The following KCNK10 variants were observed in gnomAD, a reference collection of about 807,000 sequenced individuals.
KCNK10 encodes potassium channel subfamily K member 10.
Under a neutral mutation model 47.7 loss-of-function variants are expected in KCNK10, and 25 were observed. That is an observed-to-expected ratio of 0.52 (90% CI 0.38 to 0.73). The LOEUF (loss-of-function observed/expected upper bound fraction) is 0.73. KCNK10 is among the 30% of genes least tolerant of loss of function. The pLI, the probability that KCNK10 is intolerant of heterozygous loss-of-function variation, is 0.00. For synonymous variants in KCNK10, 303 were observed against 285.6 expected, an observed-to-expected ratio of 1.06 and a Z score of -0.61; for missense variants, 563 against 714.5, an observed-to-expected ratio of 0.79 and a Z score of 2.42.
intron 4 of KCNK10, among the ~76,000 whole-genome samples, chr14:88,203,435 G>T (rs61975824): frequency 6.6e-6 from 1 of 152,052 alleles, no homozygotes; most frequent in African/African-American, 2.4e-5. Context: ...GGGCAAGCTG[G>T]CTTCAGCTGC....
intron 1 of KCNK10, among the ~76,000 whole-genome samples, chr14:88,279,751 CT>C (rs2139770827): frequency 6.6e-6 from 1 of 152,254 alleles, no homozygotes; most frequent in East Asian, 1.9e-4. Flanking sequence ...TATGATTTGG[CT>C]GTGTTCCCAC....
intron 4 of KCNK10, among the ~76,000 whole-genome samples, chr14:88,207,168 CTT>C (rs55711197): frequency 0.016 from 1,756 of 107,596 alleles, 16 homozygotes; most frequent in African/African-American, 0.06. Flanking sequence ...AGGTCACTCT[CTT>C]TTTTTTTTTT....
At chr14:88,318,442 C>G (rs1888473141) in intron 1 of KCNK10, among the ~76,000 whole-genome samples, 1 of 152,172 alleles carries the variant, frequency 6.6e-6, no homozygotes, top group Non-Finnish European at 1.5e-5. Context: ...CAAATCATGA[C>G]AAGTGCCAGT....
intron 1 of KCNK10, among the ~76,000 whole-genome samples, chr14:88,277,345 C>T (rs1002097124): frequency 3.9e-5 from 6 of 152,236 alleles, no homozygotes; most frequent in East Asian, 3.8e-4. Context: ...ATTTCAGCAT[C>T]ACCCTCTGAG....
At position 88,182,533 on chromosome 14, in the gene KCNK10, A is replaced by C. The variant is rs368634370; in HGVS notation, c.*3002T>G. 1.3e-5 allele frequency: 2 copies of C among 152,482 alleles called. No homozygotes were observed. Among genetic ancestry groups the C allele is most frequent in the East Asian group, 1.9e-4 (1 of 5,322 alleles). 9.4% of individuals were successfully genotyped at this position (152,482 alleles called of 1,614,324 possible). ...CTTATTCTCTCTCAGCATCTTTGCG[A>C]GAGTATTTCATAGGTTTCTAAACAC... is the stretch of plus-strand genomic sequence containing the variant. On this transcript the variant is annotated 3_prime_UTR_variant, in exon 7 of 7. Coordinates refer to ENST00000319231, the MANE Select transcript of KCNK10 (RefSeq NM_138317.3).
At chr14:88,267,339 T>C (rs1887288276) in intron 1 of KCNK10, among the ~76,000 whole-genome samples, 1 of 152,162 alleles carries the variant, frequency 6.6e-6, no homozygotes, top group Non-Finnish European at 1.5e-5. Flanking sequence ...ATCTGGATTG[T>C]GCTTAAGATG....
chr14:88,306,622 C>T (rs562155931), intron 1 of KCNK10, among the ~76,000 whole-genome samples: 3 of 149,914 alleles, frequency 2.0e-5, no homozygotes, highest in Non-Finnish European at 4.4e-5. Flanking sequence ...ATCCCCACTG[C>T]TATCACAGCA....
chr14:88,275,586 T>C (rs1887509476), intron 1 of KCNK10, among the ~76,000 whole-genome samples: 2 of 151,014 alleles, frequency 1.3e-5, no homozygotes, highest in South Asian at 2.1e-4. Context: ...CAGTGGCTCA[T>C]GCTTGTCATC....
chr14:88,222,459 A>G (rs1885847233), intron 4 of KCNK10, among the ~76,000 whole-genome samples: 1 of 152,260 alleles, frequency 6.6e-6, no homozygotes, highest in African/African-American at 2.4e-5. Flanking sequence ...GTATGATACT[A>G]TAATGGTAGA....
rs371294105 is a variant in KCNK10 at position 88,263,449 on chromosome 14, G to A, written c.155C>T (p.Ser52Phe). Residue 52 changes from serine (S) to phenylalanine (F), a missense_variant, in exon 2 of 7, where the codon TCC becomes TTC. By Grantham distance (155) the Ser-to-Phe change is radical. Coordinates refer to ENST00000319231, the MANE Select transcript of KCNK10 (RefSeq NM_138317.3). The part of the protein sequence containing the change: ...PTPTPRLSIS[S>F]RATVVARMEG... ...CATCCTGGCTACCACTGTGGCTCGG[G>A]AGGAAATGGACAGGCGCGGAGTTGG... is the stretch of plus-strand genomic sequence containing the variant. The A allele has an allele frequency of 1.4e-5, 23 of 1,614,050 alleles. 1 individual carries two copies. The South Asian group carries it at 2.4e-4, about 17-fold the overall frequency.
At chr14:88,311,898 C>T (rs1888336318) in intron 1 of KCNK10, among the ~76,000 whole-genome samples, 3 of 152,000 alleles carry the variant, frequency 2.0e-5, no homozygotes, top group African/African-American at 2.4e-5. Flanking sequence ...AACAACAGAA[C>T]CAGAAGGGGG....
At chr14:88,294,904 G>T (rs1887954923) in intron 1 of KCNK10, among the ~76,000 whole-genome samples, 1 of 152,056 alleles carries the variant, frequency 6.6e-6, no homozygotes, top group Non-Finnish European at 1.5e-5. Context: ...CCCTGTATAG[G>T]TTAAGAATTT....
chr14:88,314,958 T>C (rs1888398012), intron 1 of KCNK10, among the ~76,000 whole-genome samples: 1 of 152,186 alleles, frequency 6.6e-6, no homozygotes, highest in Non-Finnish European at 1.5e-5. Context: ...ATGCTTGGAT[T>C]AGGACTCAGG....
At chr14:88,320,660 A>C (rs1888527605) in intron 1 of KCNK10, among the ~76,000 whole-genome samples, 3 of 152,096 alleles carry the variant, frequency 2.0e-5, no homozygotes, top group Non-Finnish European at 4.4e-5. Context: ...ATTCATGCAA[A>C]GCCTGTTGAT....
intron 1 of KCNK10, among the ~76,000 whole-genome samples, chr14:88,301,872 C>T (rs912944125): frequency 7.9e-5 from 12 of 151,970 alleles, no homozygotes; most frequent in African/African-American, 2.4e-4. Flanking sequence ...TTTTAAGCTG[C>T]GGGTCAAGAG....
chr14:88,303,651 G>C (rs1452837841), intron 1 of KCNK10, among the ~76,000 whole-genome samples: 1 of 152,160 alleles, frequency 6.6e-6, no homozygotes, highest in Non-Finnish European at 1.5e-5. Flanking sequence ...CCCAGCATAA[G>C]CAGAAGGGAC....
chr14:88,281,751 T>TATATATATATATATATAC (rs1491147685), intron 1 of KCNK10, among the ~76,000 whole-genome samples: 1 of 138,124 alleles, frequency 7.2e-6, no homozygotes, highest in African/African-American at 2.6e-5. Context: ...TATATATATA[T>TATATATATATATATATAC]ACACATACAC....
At chr14:88,227,044 C>A (rs1375558824) in intron 4 of KCNK10, among the ~76,000 whole-genome samples, 1 of 152,192 alleles carries the variant, frequency 6.6e-6, no homozygotes, top group East Asian at 1.9e-4. Flanking sequence ...TTTTCTACAT[C>A]ATTACAAACA....
intron 4 of KCNK10, among the ~76,000 whole-genome samples, chr14:88,200,051 T>C (rs1034379337): frequency 1.3e-5 from 2 of 151,830 alleles, no homozygotes; most frequent in Non-Finnish European, 1.5e-5. Context: ...CTTTCTTTCT[T>C]CTTCTTTTCT....
Sources: gnomAD v4.1 joint callset for allele counts (sites outside exome capture counted in the v4.1 genomes callset) on GRCh38, gnomAD v4.1.1 for gene constraint, MANE v1.5 for transcripts, NCBI Gene and HGNC (gene_info 2026-07-23, HGNC 2026-07-21) for gene names.